The following BTG4 variants were observed in gnomAD, a reference collection of about 807,000 sequenced individuals.
BTG4 encodes BTG anti-proliferation factor 4, also known as protein BTG4.
A neutral mutation model predicts 19.3 loss-of-function variants in BTG4; 10 were observed. That is an observed-to-expected ratio of 0.52 (90% CI 0.32 to 0.88). The LOEUF (loss-of-function observed/expected upper bound fraction) is 0.88. BTG4 is among the 40% of genes least tolerant of loss of function. The pLI, the probability that BTG4 is intolerant of heterozygous loss-of-function variation, is 0.04. For synonymous variants in BTG4, 91 were observed against 95.7 expected, an observed-to-expected ratio of 0.95 and a Z score of 0.29; for missense variants, 238 against 281.9, an observed-to-expected ratio of 0.84 and a Z score of 1.11.
the BTG4 span, among the ~76,000 whole-genome samples, chr11:111,443,847 A>G: frequency 6.6e-6 from 1 of 152,234 alleles, no homozygotes; most frequent in Non-Finnish European, 1.5e-5. Context: ...TAGATGAAGC[A>G]GGAAGCCTCA....
the BTG4 span, among the ~76,000 whole-genome samples, chr11:111,404,101 A>T: frequency 6.6e-6 from 1 of 152,112 alleles, no homozygotes; most frequent in Non-Finnish European, 1.5e-5. Context: ...TTCTCATGAG[A>T]GTGAATAAGT....
At chr11:111,407,140 T>C in the BTG4 span, among the ~76,000 whole-genome samples, 1 of 148,906 alleles carries the variant, frequency 6.7e-6, no homozygotes, top group Non-Finnish European at 1.5e-5. Flanking sequence ...TATTATTATA[T>C]ACTATCAATT....
At chr11:111,428,133 C>T in the BTG4 span, among the ~76,000 whole-genome samples, 5 of 152,114 alleles carry the variant, frequency 3.3e-5, no homozygotes, top group African/African-American at 7.2e-5. Flanking sequence ...AGTATGGAGA[C>T]GTCAGGACAG....
the BTG4 span, among the ~76,000 whole-genome samples, chr11:111,446,110 C>T: frequency 3.6e-3 from 554 of 152,216 alleles, 4 homozygotes; most frequent in African/African-American, 0.013. Flanking sequence ...AGGAAGCTTT[C>T]CCACCTACCT....
downstream of BTG4, among the ~76,000 whole-genome samples, chr11:111,492,502 C>T (rs1029677379): frequency 2.6e-5 from 4 of 152,162 alleles, no homozygotes; most frequent in African/African-American, 9.7e-5. Flanking sequence ...GAATGATCAA[C>T]CAACAAGCAT....
At chr11:111,439,276 C>T in the BTG4 span, among the ~76,000 whole-genome samples, 1 of 152,246 alleles carries the variant, frequency 6.6e-6, no homozygotes, top group Non-Finnish European at 1.5e-5. Context: ...CACCCTTTCT[C>T]CCCCTCTGGA....
the BTG4 span, among the ~76,000 whole-genome samples, chr11:111,399,899 G>A: frequency 2.6e-5 from 4 of 152,116 alleles, no homozygotes; most frequent in Admixed American, 1.3e-4. Flanking sequence ...GAGCTGAGTG[G>A]GACTGAGGTG....
At position 111,494,907 on chromosome 11, in the gene BTG4, G is replaced by A; in HGVS notation, c.*228C>T. Reference sequence around the variant, plus strand: ...AACATCTTCATTCTGTTACCTTACTGGGTACATTCACTGATGTTACATAAA... The same window carrying A: ...AACATCTTCATTCTGTTACCTTACTAGGTACATTCACTGATGTTACATAAA... On this transcript the variant is annotated 3_prime_UTR_variant, in exon 5 of 5. Coordinates refer to ENST00000692032, the MANE Select transcript of BTG4 (RefSeq NM_001367975.1). 1.0e-6 allele frequency: 1 copy of A among 984,654 alleles called. No homozygotes were observed. The highest frequency in any genetic ancestry group is 1.2e-6 in the Non-Finnish European group (1 of 829,370). 61.0% of individuals were successfully genotyped at this position (984,654 alleles called of 1,614,324 possible). A position where few individuals can be genotyped will look rare whatever the true frequency, so the allele number is the denominator to read the frequency against.
At chr11:111,390,212 T>TCATC in the BTG4 span, among the ~76,000 whole-genome samples, 1 of 152,218 alleles carries the variant, frequency 6.6e-6, no homozygotes, top group African/African-American at 2.4e-5. Context: ...AGCTGATCAT[T>TCATC]CATCCATCCA....
chr11:111,408,056 C>T, the BTG4 span, among the ~76,000 whole-genome samples: 1 of 152,364 alleles, frequency 6.6e-6, no homozygotes, highest in Admixed American at 6.5e-5. Flanking sequence ...ACTAAGACCC[C>T]TCCACTCTGC....
Position 111,487,854 on chromosome 11 carries a change from C to T in BTG4, c.662+7309G>A, listed in dbSNP as rs551369415. On this transcript the variant is annotated intron_variant, in intron 5 of 5. Transcript: ENST00000356018. ...GAAAAAGAAACCAAGAAGCTACTCC[C>T]ATTTACAATAGCTACAAATAAAATA... Among the ~76,000 whole-genome samples the T allele has an allele frequency of 6.6e-5, 10 of 152,196 alleles. 1 individual carries two copies. The South Asian group carries it at 2.1e-3, about 32-fold the overall frequency.
chr11:111,405,143 T>C, the BTG4 span, among the ~76,000 whole-genome samples: 42,570 of 152,006 alleles, frequency 0.28, 5,963 homozygotes, highest in Middle Eastern at 0.39. Context: ...CGGTGGCTCA[T>C]GCCTGTAATC....
the BTG4 span, chr11:111,451,450 A>G: frequency 9.0e-6 from 4 of 442,342 alleles, no homozygotes; most frequent in Admixed American, 9.4e-5. Flanking sequence ...ACATTATCCC[A>G]TTATTTCCCC....
At chr11:111,408,769 C>A in the BTG4 span, among the ~76,000 whole-genome samples, 1 of 152,214 alleles carries the variant, frequency 6.6e-6, no homozygotes, top group African/African-American at 2.4e-5. Context: ...TTCACCTATA[C>A]AAAGACATTT....
At chr11:111,396,538 G>T in the BTG4 span, among the ~76,000 whole-genome samples, 1 of 152,344 alleles carries the variant, frequency 6.6e-6, no homozygotes, top group Middle Eastern at 3.4e-3. Flanking sequence ...TTATGTCTGA[G>T]GGTCAGTCGA....
the BTG4 span, among the ~76,000 whole-genome samples, chr11:111,434,722 TGTCCGTA>T: frequency 6.7e-6 from 1 of 149,634 alleles, no homozygotes; most frequent in African/African-American, 2.5e-5. Flanking sequence ...AAAAAAAGTT[TGTCCGTA>T]GTGAATTAGT....
chr11:111,490,796 C>T (rs968143631), downstream of BTG4, among the ~76,000 whole-genome samples: 2 of 152,212 alleles, frequency 1.3e-5, no homozygotes, highest in Admixed American at 6.5e-5. Context: ...AGCTGAATCA[C>T]TCATACATTG....
At chr11:111,473,410 G>T (rs1864199745) in intron 5 of BTG4, 1 of 152,496 alleles carries the variant, frequency 6.6e-6, no homozygotes, top group Non-Finnish European at 1.5e-5. Flanking sequence ...AATCAATTTG[G>T]GAGTGAAGAT....
chr11:111,453,651 T>C, the BTG4 span: 1 of 387,136 alleles, frequency 2.6e-6, no homozygotes, highest in Non-Finnish European at 5.2e-6. Context: ...CTGCTTCTTT[T>C]TTCCATCTTC....
Sources: gnomAD v4.1 joint callset for allele counts (sites outside exome capture counted in the v4.1 genomes callset) on GRCh38, gnomAD v4.1.1 for gene constraint, MANE v1.5 for transcripts, NCBI Gene and HGNC (gene_info 2026-07-23, HGNC 2026-07-21) for gene names.